The following KLHL2 variants were observed in gnomAD, a reference collection of about 807,000 sequenced individuals.
The protein encoded by KLHL2 is kelch like family member 2.
In KLHL2, 15 loss-of-function variants were observed where a neutral mutation model predicts 75.8. That is an observed-to-expected ratio of 0.20 (90% CI 0.13 to 0.30). The LOEUF is 0.30. Ranked by LOEUF, KLHL2 falls within the 10% of genes least tolerant of loss-of-function variation. The pLI is 1.00. For synonymous variants in KLHL2, 214 were observed against 251.9 expected (o/e 0.85, Z 1.42); for missense variants, 381 against 741.0 (o/e 0.51, Z 5.64).
At chr4:165,223,065 G>T (rs1052836408) in intron 2 of KLHL2, among the ~76,000 whole-genome samples, 4 of 152,238 alleles carry the variant, frequency 2.6e-5, no homozygotes, top group African/African-American at 4.8e-5. Context: ...ACATTTTATT[G>T]TTTTCTTAAA....
chr4:165,226,922 T>C (rs1251010399), intron 2 of KLHL2, among the ~76,000 whole-genome samples: 1 of 152,078 alleles, frequency 6.6e-6, no homozygotes, highest in East Asian at 1.9e-4. Flanking sequence ...AATTTGGGGA[T>C]AAAAATAATA....
chr4:165,238,697 A>T (rs1739561224), intron 3 of KLHL2, 81 bp from the exon 4 acceptor site: 1 of 1,591,176 alleles, frequency 6.3e-7, no homozygotes, highest in Admixed American at 1.9e-5. Flanking sequence ...AGTGGCAAGA[A>T]GATGTATCAA....
chr4:165,210,294 T>A, intron 1 of KLHL2: 1 of 1,046,994 alleles, frequency 9.6e-7, no homozygotes, highest in Non-Finnish European at 1.4e-6. Context: ...AAATTTACAT[T>A]GTTCTCAGAT....
At chr4:165,282,886 A>T (rs955412279) in intron 5 of KLHL2, among the ~76,000 whole-genome samples, 5 of 152,056 alleles carry the variant, frequency 3.3e-5, no homozygotes, top group African/African-American at 4.8e-5. Context: ...TTTACAAAAG[A>T]AAGAGGTTTA....
intron 2 of KLHL2, among the ~76,000 whole-genome samples, chr4:165,224,715 A>C (rs1158058884): frequency 6.6e-6 from 1 of 152,262 alleles, no homozygotes; most frequent in Non-Finnish European, 1.5e-5. Flanking sequence ...TGAATTAAAC[A>C]GTGAACTTAA....
chr4:165,273,601 G>A (rs184739973), intron 5 of KLHL2, among the ~76,000 whole-genome samples: 2 of 152,254 alleles, frequency 1.3e-5, no homozygotes, highest in Admixed American at 1.3e-4. Context: ...TTAAAAATGG[G>A]AGTTTCCCTG....
chr4:165,288,605 T>C (rs1744263036), intron 5 of KLHL2, among the ~76,000 whole-genome samples: 1 of 152,178 alleles, frequency 6.6e-6, no homozygotes, highest in Non-Finnish European at 1.5e-5. Context: ...TGCAGAATAT[T>C]CCATTGTATG....
intron 5 of KLHL2, among the ~76,000 whole-genome samples, chr4:165,268,152 G>A (rs1410748438): frequency 6.6e-6 from 1 of 152,174 alleles, no homozygotes; most frequent in Non-Finnish European, 1.5e-5. Context: ...GGGATTGGTG[G>A]TGATATCCCC....
At chr4:165,293,950 T>G (rs1744717693) in intron 5 of KLHL2, among the ~76,000 whole-genome samples, 1 of 152,200 alleles carries the variant, frequency 6.6e-6, no homozygotes, top group Non-Finnish European at 1.5e-5. Context: ...TCACATGATA[T>G]GACATGTAGG....
At chr4:165,311,697 G>A (rs1746197684) in intron 11 of KLHL2, 132 bp downstream of exon 11, 7 of 667,802 alleles carry the variant, frequency 1.0e-5, no homozygotes, top group Non-Finnish European at 1.6e-5. Context: ...CGTAATTACT[G>A]TAAAATTTCA....
At chr4:165,290,511 C>T (rs1744427698) in intron 5 of KLHL2, among the ~76,000 whole-genome samples, 1 of 152,122 alleles carries the variant, frequency 6.6e-6, no homozygotes, top group Non-Finnish European at 1.5e-5. Flanking sequence ...CTTTAAAAAA[C>T]AAACTCAACT....
chr4:165,212,729 T>C (rs1737277310), intron 1 of KLHL2, among the ~76,000 whole-genome samples: 1 of 152,250 alleles, frequency 6.6e-6, no homozygotes, highest in African/African-American at 2.4e-5. Flanking sequence ...TCTCTCAAGC[T>C]TATCAAGTAT....
intron 11 of KLHL2, 133 bp from the exon 12 acceptor site, chr4:165,313,105 A>T (rs1305208698): frequency 1.3e-6 from 1 of 788,248 alleles, no homozygotes; most frequent in East Asian, 2.9e-5. Context: ...TTTCATAAAA[A>T]TCAGCAGCAC....
chr4:165,218,174 TAG>T (rs1416691946), intron 1 of KLHL2, among the ~76,000 whole-genome samples: 1 of 152,190 alleles, frequency 6.6e-6, no homozygotes, highest in Non-Finnish European at 1.5e-5. Flanking sequence ...TTGACCCGTG[TAG>T]AGTGTTCTCA....
rs1276441376 is a variant in KLHL2, at chr4:165,264,717, TATAC to T, written c.544+1362_544+1365del. Among the ~76,000 whole-genome samples, 344 of 77,720 alleles carry T rather than the reference TATAC, an allele frequency of 4.4e-3. 3 individuals are homozygous for T. Among genetic ancestry groups the T allele is most frequent in the African/African-American group, 0.016 (323 of 20,338 alleles). 51.0% of individuals were successfully genotyped at this position (77,720 alleles called of 152,430 possible). On this transcript the variant is annotated intron_variant, in intron 5 of 14. Coordinates refer to ENST00000226725, the MANE Select transcript of KLHL2 (RefSeq NM_007246.4). ...GTGTGTGTGTGTGTATATATATATA[TATAC>T]ATATATATATATATATATGTATATA... is the stretch of plus-strand genomic sequence containing the variant.
At position 165,271,379 on chromosome 4, in the gene KLHL2, A is replaced by G. The variant is rs577222593; in HGVS notation, c.544+8020A>G. On this transcript the variant is annotated intron_variant, in intron 5 of 14. Coordinates refer to ENST00000226725, the MANE Select transcript of KLHL2 (RefSeq NM_007246.4). ...GAGTTCTTCACCTCCTTGGTTAAAT[A>G]TATTCCTAAGTATTTTATTTTATTT... is the stretch of plus-strand genomic sequence containing the variant. Among the ~76,000 whole-genome samples, 19 of 152,278 alleles carry G rather than the reference A, an allele frequency of 1.2e-4. No homozygotes were observed. The South Asian group carries it at 3.9e-3, about 32-fold the overall frequency.
rs1429866233 is a variant in KLHL2 at position 165,256,836 on chromosome 4, TTTG to T, written c.382-6355_382-6353del. ...ATTGTGGTATAGCCCTCTAATACTG[TTTG>T]TTGTTATGTACACATGTGTTTACCC... On this transcript the variant is annotated intron_variant, in intron 4 of 14. Coordinates refer to ENST00000226725, the MANE Select transcript of KLHL2 (RefSeq NM_007246.4). Among the ~76,000 whole-genome samples, 5 of 152,290 alleles carry T rather than the reference TTTG, an allele frequency of 3.3e-5. No individual in the cohort carries two copies. In the East Asian group the frequency reaches 7.7e-4, roughly 23 times the overall value.
At position 165,322,238 on chromosome 4, in the gene KLHL2, C is replaced by A; in HGVS notation, c.*178C>A. The A allele has an allele frequency of 3.3e-6, 2 of 598,036 alleles. No individual in the cohort carries two copies. Among genetic ancestry groups the A allele is most frequent in the African/African-American group, 3.7e-5 (2 of 53,706 alleles). 37.0% of individuals were successfully genotyped at this position (598,036 alleles called of 1,614,324 possible). A position where few individuals can be genotyped will look rare whatever the true frequency, so the allele number is the denominator to read the frequency against. ...TGAAGATTATTTTTGGTAGAAGCAC[C>A]GTGTAGGCTTTTTCTGCAATGAGCA... On this transcript the variant is annotated 3_prime_UTR_variant, in exon 15 of 15. Coordinates refer to ENST00000226725, the MANE Select transcript of KLHL2 (RefSeq NM_007246.4).
intron 5 of KLHL2, chr4:165,278,748 G>A (rs767397172): frequency 2.6e-5 from 41 of 1,584,532 alleles, no homozygotes; most frequent in South Asian, 7.7e-5. Context: ...GTGGTGAGAA[G>A]GCCATGATCA....
Sources: allele counts gnomAD v4.1 joint callset (sites outside exome capture counted in the v4.1 genomes callset), GRCh38; gene constraint gnomAD v4.1.1; transcripts MANE v1.5; gene names NCBI Gene and HGNC (gene_info 2026-07-23, HGNC 2026-07-21).